Variants in ARHGEF9 observed in about 807,000 individuals in gnomAD.
ARHGEF9 encodes the protein rho guanine nucleotide exchange factor 9.
In ARHGEF9, 2 loss-of-function variants were observed where a neutral mutation model predicts 41.3. That is an observed-to-expected ratio of 0.05 (90% CI 0.02 to 0.15). The LOEUF (loss-of-function observed/expected upper bound fraction) is 0.15. Ranked by LOEUF, ARHGEF9 falls within the 10% of genes least tolerant of loss-of-function variation. ARHGEF9 has a pLI of 1.00. For synonymous variants in ARHGEF9, 160 were observed against 154.4 expected, an observed-to-expected ratio of 1.04 and a Z score of -0.27; for missense variants, 225 against 424.7, an observed-to-expected ratio of 0.53 and a Z score of 4.13.
chrX:63,709,683 T>C (rs2052784036), intron 2 of ARHGEF9, among the ~76,000 whole-genome samples: 1 of 112,077 alleles, frequency 8.9e-6, no homozygotes, highest in Non-Finnish European at 1.9e-5. Flanking sequence ...AATATTACCA[T>C]AATCTGACTC....
At chrX:63,712,927 T>G in intron 2 of ARHGEF9, 1 of 111,342 alleles carries the variant, frequency 9.0e-6, no homozygotes, top group Non-Finnish European at 1.9e-5. Flanking sequence ...TATGATAAAG[T>G]GATGATTACC....
intron 2 of ARHGEF9, chrX:63,719,537 A>T (rs2053519640): frequency 1.0e-5 from 3 of 289,469 alleles, no homozygotes; most frequent in Non-Finnish European, 1.8e-5. Flanking sequence ...ACTGGCAATG[A>T]ATGACAGAAC....
At chrX:63,669,849 G>T (rs1243478990) in intron 6 of ARHGEF9, among the ~76,000 whole-genome samples, 1 of 111,891 alleles carries the variant, frequency 8.9e-6, no homozygotes, top group Non-Finnish European at 1.9e-5. Context: ...TTCCCTACTG[G>T]AATATAAATC....
intron 1 of ARHGEF9, among the ~76,000 whole-genome samples, chrX:63,761,764 T>A (rs2056038148): frequency 8.9e-6 from 1 of 111,734 alleles, no homozygotes; most frequent in Admixed American, 9.5e-5. Flanking sequence ...GGCTAATGAC[T>A]GAATAAATAC....
intron 8 of ARHGEF9, among the ~76,000 whole-genome samples, chrX:63,647,826 C>T (rs1183921546): frequency 3.6e-5 from 4 of 111,126 alleles, no homozygotes; most frequent in Non-Finnish European, 3.8e-5. Flanking sequence ...CTCCTTGTAC[C>T]TCTGGTAGAA....
chrX:63,652,779 T>C (rs1330338567), intron 8 of ARHGEF9, among the ~76,000 whole-genome samples: 1 of 111,148 alleles, frequency 9.0e-6, no homozygotes, highest in East Asian at 2.8e-4. Flanking sequence ...TGTGGAATGG[T>C]AATCCCCATG....
chrX:63,766,534 C>T (rs781910706), intron 1 of ARHGEF9, among the ~76,000 whole-genome samples: 397 of 111,863 alleles, frequency 3.5e-3, no homozygotes, highest in African/African-American at 0.012. Context: ...TAACAGAGTG[C>T]CTGTTATGTC....
intron 2 of ARHGEF9, among the ~76,000 whole-genome samples, chrX:63,719,171 C>T (rs1286572704): frequency 2.7e-5 from 3 of 111,611 alleles, no homozygotes; most frequent in African/African-American, 9.8e-5. Flanking sequence ...CTGTTAATGT[C>T]AGCCTAAACT....
Position 63,636,826 on chromosome X carries a change from T to C in ARHGEF9, c.*1202A>G. 3.4e-6 allele frequency: 1 copy of C among 297,424 alleles called. No homozygotes were observed. The highest frequency in any genetic ancestry group is 5.9e-6 in the Non-Finnish European group (1 of 170,274). 24.5% of individuals were successfully genotyped at this position (297,424 alleles called of 1,213,427 possible). On this transcript the variant is annotated 3_prime_UTR_variant, in exon 10 of 10. Coordinates refer to ENST00000671741, the MANE Select transcript of ARHGEF9 (RefSeq NM_001353921.2). ...AGGTTACTATCAGACTTGGACCCTG[T>C]CCAGGTCAATAATTTGAAGGTAGCT...
chrX:63,635,199 A>C lies in ARHGEF9; in HGVS notation c.*2829T>G. The C allele has an allele frequency of 2.4e-6, 1 of 412,882 alleles. No homozygotes were observed. The allele number at this position is 412,882 out of a possible 1,213,427, so 34.0% of individuals were successfully genotyped here. The stretch of plus-strand genomic sequence containing the variant: ...CCCACCCCATCCCCAAAGCACTAAA[A>C]GATCACTATTTGGCTTCACACTAGA... On this transcript the variant is annotated 3_prime_UTR_variant, in exon 10 of 10. Coordinates refer to ENST00000671741, the MANE Select transcript of ARHGEF9 (RefSeq NM_001353921.2).
intron 1 of ARHGEF9, chrX:63,732,424 T>C (rs1439804196): frequency 9.0e-6 from 1 of 111,486 alleles, no homozygotes; most frequent in African/African-American, 3.3e-5. Flanking sequence ...TGTCTCTCCC[T>C]CTCAGATACA....
At chrX:63,694,140 A>G (rs1264159462) in intron 4 of ARHGEF9, among the ~76,000 whole-genome samples, 5 of 108,658 alleles carry the variant, frequency 4.6e-5, no homozygotes, top group Non-Finnish European at 9.6e-5. Context: ...CCAAGATTGC[A>G]CCACTGCACT....
At chrX:63,665,338 C>T (rs2049463876) in intron 7 of ARHGEF9, among the ~76,000 whole-genome samples, 1 of 112,301 alleles carries the variant, frequency 8.9e-6, no homozygotes. Flanking sequence ...TGGAGAAGAG[C>T]ACGGTTGGGG....
At chrX:63,734,447 C>T (rs782176560) in intron 1 of ARHGEF9, among the ~76,000 whole-genome samples, 34 of 111,976 alleles carry the variant, frequency 3.0e-4, no homozygotes, top group African/African-American at 9.7e-4. Context: ...TCCACAGACC[C>T]CTGCTCAGAA....
At position 63,781,805 on chromosome X, in the gene ARHGEF9, G is replaced by C. The variant is rs1240246411; in HGVS notation, c.30+3311C>G. 1.8e-4 allele frequency among the ~76,000 whole-genome samples: 20 copies of C among 111,940 alleles called. No homozygotes were observed. The Admixed American group carries it at 1.8e-3, about 10-fold the overall frequency. ...CTATAAAAGTGGCTGTTTTCTCTCT[G>C]ATTTCATCTATCCTTCTTCCATGTA... On this transcript the variant is annotated intron_variant, in intron 1 of 9. Transcript: ENST00000671741.
intron 4 of ARHGEF9, among the ~76,000 whole-genome samples, chrX:63,694,436 G>C (rs2051596079): frequency 8.9e-6 from 1 of 112,187 alleles, no homozygotes; most frequent in South Asian, 3.6e-4. Flanking sequence ...TTATGCATTA[G>C]AGTTCAAAAC....
chrX:63,671,176 T>A (rs1378058871), intron 6 of ARHGEF9: 1 of 112,500 alleles, frequency 8.9e-6, no homozygotes, highest in Non-Finnish European at 1.9e-5. Flanking sequence ...CAGCAAAATA[T>A]GGCATCTTTT....
rs2047337574 is a variant in ARHGEF9, at chrX:63,636,913, A to G, written c.*1115T>C. The stretch of plus-strand genomic sequence containing the variant: ...TCCATACTTCTATCAATGCTGCCCA[A>G]ACATCTGTAAATGGGAGCAGGGACA... On this transcript the variant is annotated 3_prime_UTR_variant, in exon 10 of 10. Transcript: ENST00000671741. 1 of 297,146 alleles carries G rather than the reference A, an allele frequency of 3.4e-6. No individual in the cohort carries two copies. Among genetic ancestry groups the G allele is most frequent in the African/African-American group, 2.7e-5 (1 of 36,876 alleles). The allele number at this position is 297,146 out of a possible 1,213,427, so 24.5% of individuals were successfully genotyped here.
At chrX:63,669,053 T>C (rs1384285931) in intron 6 of ARHGEF9, among the ~76,000 whole-genome samples, 5 of 112,533 alleles carry the variant, frequency 4.4e-5, no homozygotes, top group Non-Finnish European at 7.5e-5. Context: ...ACTCTCGCCA[T>C]CTGTTTCCTC....
Sources: gnomAD v4.1 joint callset for allele counts (sites outside exome capture counted in the v4.1 genomes callset) on GRCh38, gnomAD v4.1.1 for gene constraint, MANE v1.5 for transcripts, NCBI Gene and HGNC (gene_info 2026-07-23, HGNC 2026-07-21) for gene names.